The following FAM3C variants were observed in gnomAD, a reference collection of about 807,000 sequenced individuals.
FAM3C encodes protein FAM3C.
Under a neutral mutation model 32.5 loss-of-function variants are expected in FAM3C, and 15 were observed. That is an observed-to-expected ratio of 0.46 (90% CI 0.31 to 0.71). FAM3C has a LOEUF of 0.71. Among genes scored for constraint, FAM3C ranks in the 30% least tolerant of loss-of-function variants. The pLI is 0.05. For synonymous variants in FAM3C, 75 were observed against 86.1 expected (o/e 0.87, Z 0.72); for missense variants, 175 against 274.4 (o/e 0.64, Z 2.56).
Position 121,369,977 on chromosome 7 carries a change from C to T in FAM3C, c.272+1323G>A, listed in dbSNP as rs79799659. ...CTCTTCTTCTCTGAACTAAAATTCA[C>T]ATGCATCAAGGGGGCAGAATAGATG... On this transcript the variant is annotated intron_variant, in intron 5 of 9. Coordinates refer to ENST00000359943, the MANE Select transcript of FAM3C (RefSeq NM_014888.3). 1.4e-3 allele frequency among the ~76,000 whole-genome samples: 218 copies of T among 152,296 alleles called. 1 individual carries two copies. The highest frequency in any genetic ancestry group is 4.7e-3 in the African/African-American group (196 of 41,560).
chr7:121,381,885 CATG>C (rs1267357201), intron 2 of FAM3C, among the ~76,000 whole-genome samples: 1 of 152,096 alleles, frequency 6.6e-6, no homozygotes, highest in Non-Finnish European at 1.5e-5. Context: ...GTTTAATAAT[CATG>C]ATGTTTAATC....
intron 8 of FAM3C, among the ~76,000 whole-genome samples, chr7:121,358,301 T>C: frequency 6.6e-6 from 1 of 152,088 alleles, no homozygotes; most frequent in East Asian, 1.9e-4. Context: ...TACAAATTTC[T>C]GTATAAATCT....
At chr7:121,367,317 T>C (rs1437812600) in intron 5 of FAM3C, among the ~76,000 whole-genome samples, 1 of 152,240 alleles carries the variant, frequency 6.6e-6, no homozygotes, top group Non-Finnish European at 1.5e-5. Flanking sequence ...TCTCTTAAGA[T>C]GGTTAGTTTA....
intron 8 of FAM3C, among the ~76,000 whole-genome samples, chr7:121,357,215 G>A (rs975993145): frequency 2.0e-5 from 3 of 152,138 alleles, no homozygotes; most frequent in African/African-American, 7.2e-5. Context: ...TAGGATCAGA[G>A]ACGACGAGAG....
intron 3 of FAM3C, among the ~76,000 whole-genome samples, chr7:121,373,605 C>T (rs1297282083): frequency 8.5e-5 from 13 of 152,130 alleles, no homozygotes; most frequent in Admixed American, 5.9e-4. Flanking sequence ...TTCAGTAAGT[C>T]GGGCTAATGA....
At chr7:121,381,111 C>A (rs1794342455) in intron 2 of FAM3C, among the ~76,000 whole-genome samples, 1 of 152,142 alleles carries the variant, frequency 6.6e-6, no homozygotes, top group Non-Finnish European at 1.5e-5. Flanking sequence ...ACCAGCATCC[C>A]ATTCTGGACT....
chr7:121,374,971 A>T (rs1794213144), intron 3 of FAM3C, among the ~76,000 whole-genome samples: 1 of 152,162 alleles, frequency 6.6e-6, no homozygotes, highest in South Asian at 2.1e-4. Flanking sequence ...TGTTACCTAC[A>T]TTTGTTTTCA....
At chr7:121,379,668 C>T (rs1248454596) in intron 2 of FAM3C, among the ~76,000 whole-genome samples, 1 of 152,154 alleles carries the variant, frequency 6.6e-6, no homozygotes, top group Non-Finnish European at 1.5e-5. Flanking sequence ...GCTCCAAGTG[C>T]GCAGACTCTT....
At chr7:121,357,892 T>A (rs959023129) in intron 8 of FAM3C, among the ~76,000 whole-genome samples, 2 of 152,174 alleles carry the variant, frequency 1.3e-5, no homozygotes, top group Non-Finnish European at 2.9e-5. Flanking sequence ...GCAATTTTGA[T>A]TCCCATCAGG....
At chr7:121,353,378 T>C (rs1793746351) in intron 8 of FAM3C, among the ~76,000 whole-genome samples, 1 of 152,176 alleles carries the variant, frequency 6.6e-6, no homozygotes, top group South Asian at 2.1e-4. Flanking sequence ...AACTTAAAGA[T>C]TGAGCTTTAT....
chr7:121,354,721 T>C (rs552309763), intron 8 of FAM3C, among the ~76,000 whole-genome samples: 1 of 152,274 alleles, frequency 6.6e-6, no homozygotes, highest in African/African-American at 2.4e-5. Context: ...AAATGCTAAC[T>C]ATATAAGGCA....
At chr7:121,364,505 A>T in intron 5 of FAM3C, 1 of 236,812 alleles carries the variant, frequency 4.2e-6, no homozygotes, top group Non-Finnish European at 8.1e-6. Context: ...TATGTTCTGC[A>T]TCATTCTTAA....
At chr7:121,390,588 G>A (rs963987220) in intron 1 of FAM3C, among the ~76,000 whole-genome samples, 6 of 152,004 alleles carry the variant, frequency 3.9e-5, no homozygotes, top group Non-Finnish European at 8.8e-5. Context: ...CATCTGTGGC[G>A]TCATAGATTC....
intron 1 of FAM3C, among the ~76,000 whole-genome samples, chr7:121,395,408 G>A (rs1265284865): frequency 1.3e-5 from 2 of 150,844 alleles, no homozygotes; most frequent in African/African-American, 4.9e-5. Context: ...AGAAACAAAG[G>A]AAAAGTCCTA....
At chr7:121,365,581 T>A (rs1794008082) in intron 5 of FAM3C, among the ~76,000 whole-genome samples, 1 of 151,970 alleles carries the variant, frequency 6.6e-6, no homozygotes, top group Non-Finnish European at 1.5e-5. Context: ...AAACACTTTT[T>A]TAAAATGTTT....
intron 3 of FAM3C, 48 bp downstream of exon 3, chr7:121,378,862 A>G (rs1176200588): frequency 2.1e-6 from 2 of 948,748 alleles, no homozygotes; most frequent in East Asian, 5.1e-5. Flanking sequence ...ATAAAACTTT[A>G]GGCCACATCA....
Position 121,378,935 on chromosome 7 carries a change from C to A in FAM3C, c.93G>T (p.Met31Ile). The change falls in exon 3 of 10, where the codon ATG becomes ATT. Residue 31 changes from methionine (M) to isoleucine (I), a missense_variant. Physicochemically the swap from Met to Ile is conservative, Grantham distance 10. Coordinates refer to ENST00000359943, the MANE Select transcript of FAM3C (RefSeq NM_014888.3). ...YVISQVFEIKMDASLGNLFAR... is the reference protein window; with the variant it reads ...YVISQVFEIKIDASLGNLFAR... ...CAAATAGATTTCCTAAACTTGCATC[C>A]ATTTTTATTTCAAATACTTGAGAAA... is the stretch of plus-strand genomic sequence containing the variant. The A allele has an allele frequency of 6.5e-7, 1 of 1,528,720 alleles. No homozygotes were observed. The highest frequency in any genetic ancestry group is 1.4e-5 in the African/African-American group (1 of 71,600). 94.7% of individuals were successfully genotyped at this position (1,528,720 alleles called of 1,614,324 possible).
chr7:121,355,534 G>C (rs1392168519), intron 8 of FAM3C, among the ~76,000 whole-genome samples: 1 of 152,124 alleles, frequency 6.6e-6, no homozygotes, highest in Non-Finnish European at 1.5e-5. Flanking sequence ...GAAGGAGAGG[G>C]AAATAAGTAA....
At chr7:121,361,901 T>A (rs1793933765) in intron 7 of FAM3C, among the ~76,000 whole-genome samples, 1 of 152,144 alleles carries the variant, frequency 6.6e-6, no homozygotes, top group Non-Finnish European at 1.5e-5. Flanking sequence ...ATGGTCTCCA[T>A]CTCCTGACGT....
Sources: gnomAD v4.1 joint callset for allele counts (sites outside exome capture counted in the v4.1 genomes callset) on GRCh38, gnomAD v4.1.1 for gene constraint, MANE v1.5 for transcripts, NCBI Gene and HGNC (gene_info 2026-07-23, HGNC 2026-07-21) for gene names.